Variants in BARD1 observed in about 807,000 individuals in gnomAD.
BARD1 encodes BRCA1-associated RING domain protein 1.
A neutral mutation model predicts 77.0 loss-of-function variants in BARD1; 73 were observed. The ratio of observed to expected loss-of-function variants is 0.95; its 90% CI spans 0.79 to 1.15. The LOEUF is 1.15. Ranked by LOEUF, BARD1 falls within the 50% of genes most tolerant of loss-of-function variation. The pLI, the probability that BARD1 is intolerant of heterozygous loss-of-function variation, is 0.00. For missense variants in BARD1, 993 were observed against 938.8 expected, an observed-to-expected ratio of 1.06 and a Z score of -0.75; for synonymous variants, 384 against 338.0, an observed-to-expected ratio of 1.14 and a Z score of -1.49.
chr2:214,771,141 T>C (rs574201166), intron 4 of BARD1, among the ~76,000 whole-genome samples: 32 of 152,308 alleles, frequency 2.1e-4, no homozygotes, highest in African/African-American at 7.7e-4. Context: ...CAAATATAAC[T>C]AATCAGTTCT....
Position 214,745,057 on chromosome 2 carries a change from C to T in BARD1, c.1903+10G>A. 6.2e-7 allele frequency: 1 copy of T among 1,609,832 alleles called. No homozygotes were observed. The highest frequency in any genetic ancestry group is 8.5e-7 in the Non-Finnish European group (1 of 1,176,344). ...ATTCATTTCTTAATTCTCTCAAATCCAACACTTACATTCAAATTTTAGAAT... is the reference window on the plus strand; with the variant it reads ...ATTCATTTCTTAATTCTCTCAAATCTAACACTTACATTCAAATTTTAGAAT... On this transcript the variant is annotated intron_variant, in intron 9 of 10. Coordinates refer to ENST00000260947, the MANE Select transcript of BARD1 (RefSeq NM_000465.4).
chr2:214,727,499 T>C lies in BARD1; in HGVS notation c.*1177A>G, dbSNP rs967496086. The C allele has an allele frequency of 1.7e-5, 4 of 232,026 alleles. No individual in the cohort carries two copies. The highest frequency in any genetic ancestry group is 6.6e-5 in the African/African-American group (3 of 45,410). The allele number at this position is 232,026 out of a possible 1,614,324, so 14.4% of individuals were successfully genotyped here. A position where few individuals can be genotyped will look rare whatever the true frequency, so the allele number is the denominator to read the frequency against. On this transcript the variant is annotated 3_prime_UTR_variant, in exon 11 of 11. Coordinates refer to ENST00000260947, the MANE Select transcript of BARD1 (RefSeq NM_000465.4). Reference sequence around the variant, plus strand: ...GAATTCTGCTTCTTAAAAAAATGTTTCAAAATAATCTAATGTATCCTTGTC... The same window carrying C: ...GAATTCTGCTTCTTAAAAAAATGTTCCAAAATAATCTAATGTATCCTTGTC...
chr2:214,750,279 C>G (rs536079963), intron 7 of BARD1, among the ~76,000 whole-genome samples: 1 of 152,104 alleles, frequency 6.6e-6, no homozygotes, highest in Non-Finnish European at 1.5e-5. Context: ...CAGTCTCTTC[C>G]TACTCCCAGC....
chr2:214,770,372 C>A (rs1694424322), intron 4 of BARD1, among the ~76,000 whole-genome samples: 1 of 152,128 alleles, frequency 6.6e-6, no homozygotes, highest in Non-Finnish European at 1.5e-5. Flanking sequence ...CTCTGGAGAG[C>A]TATGCAACAA....
At chr2:214,742,004 T>C (rs918291581) in intron 9 of BARD1, among the ~76,000 whole-genome samples, 1 of 152,206 alleles carries the variant, frequency 6.6e-6, no homozygotes, top group Admixed American at 6.5e-5. Flanking sequence ...AAAATTCTAC[T>C]TGAATCTATT....
intron 7 of BARD1, among the ~76,000 whole-genome samples, chr2:214,748,747 C>T (rs1693261171): frequency 6.6e-6 from 1 of 151,930 alleles, no homozygotes; most frequent in Admixed American, 6.6e-5. Context: ...TGAGCTGCTT[C>T]CCTAAAGCAG....
chr2:214,790,010 T>C (rs372057947), intron 3 of BARD1, among the ~76,000 whole-genome samples: 32 of 152,132 alleles, frequency 2.1e-4, no homozygotes, highest in Admixed American at 1.4e-3. Context: ...CCTCAGAAAC[T>C]TGTTCTAAAC....
rs531503903 is a variant in BARD1, at chr2:214,751,311, C to T, written c.1677+1136G>A. On this transcript the variant is annotated intron_variant, in intron 7 of 10. Coordinates refer to ENST00000260947, the MANE Select transcript of BARD1 (RefSeq NM_000465.4). Reference sequence around the variant, plus strand: ...TAGCTGGGACTACAGACGCATACCGCCACACTCAGCTAATTTTTGTATTTT... The same window carrying T: ...TAGCTGGGACTACAGACGCATACCGTCACACTCAGCTAATTTTTGTATTTT... Among the ~76,000 whole-genome samples, 6 of 150,140 alleles carry T rather than the reference C, an allele frequency of 4.0e-5. No individual in the cohort carries two copies. The East Asian group carries it at 9.8e-4, about 24-fold the overall frequency.
chr2:214,799,316 A>C (rs1052617268), intron 1 of BARD1, among the ~76,000 whole-genome samples: 1 of 152,062 alleles, frequency 6.6e-6, no homozygotes, highest in Non-Finnish European at 1.5e-5. Context: ...TATTAAAATA[A>C]AATAAAATAA....
chr2:214,766,849 T>A (rs1252312731), intron 6 of BARD1, among the ~76,000 whole-genome samples: 1 of 152,184 alleles, frequency 6.6e-6, no homozygotes, highest in Admixed American at 6.5e-5. Flanking sequence ...AGGTTTTTAT[T>A]TAAGTTGTGA....
intron 6 of BARD1, among the ~76,000 whole-genome samples, chr2:214,761,032 T>C (rs1693938204): frequency 6.6e-6 from 1 of 151,156 alleles, no homozygotes; most frequent in Non-Finnish European, 1.5e-5. Context: ...CCTTGGCTTC[T>C]CAATCCACAG....
chr2:214,802,363 G>A (rs1696062828), intron 1 of BARD1, among the ~76,000 whole-genome samples: 1 of 152,178 alleles, frequency 6.6e-6, no homozygotes, highest in African/African-American at 2.4e-5. Context: ...TTCTGGGCAT[G>A]TTTAAGGTAG....
Position 214,809,393 on chromosome 2 carries a change from C to A in BARD1, c.158+19G>T, listed in dbSNP as rs773922628. The A allele has an allele frequency of 1.9e-6, 3 of 1,612,228 alleles. No homozygotes were observed. The East Asian group carries it at 6.7e-5, about 36-fold the overall frequency. On this transcript the variant is annotated intron_variant, in intron 1 of 10. Transcript: ENST00000260947. ...CGACCCGTGCCCTCGCAGCCACCCC[C>A]AAGAAGCTCCGTCTTTACCAACGCG...
At chr2:214,761,020 C>T (rs1336820576) in intron 6 of BARD1, among the ~76,000 whole-genome samples, 1 of 151,086 alleles carries the variant, frequency 6.6e-6, no homozygotes, top group Non-Finnish European at 1.5e-5. Context: ...GGGATCCACC[C>T]GCCTTGGCTT....
chr2:214,784,662 T>C (rs574040131), intron 3 of BARD1, among the ~76,000 whole-genome samples: 2 of 152,062 alleles, frequency 1.3e-5, no homozygotes, highest in Non-Finnish European at 2.9e-5. Flanking sequence ...ATAAAGAAAA[T>C]GTGGCACATA....
chr2:214,754,071 C>T (rs16852623), intron 6 of BARD1, among the ~76,000 whole-genome samples: 74,428 of 152,070 alleles, frequency 0.49, 18,397 homozygotes, highest in East Asian at 0.56. Flanking sequence ...CTTGATACTT[C>T]CTAATTCATT....
intron 1 of BARD1, among the ~76,000 whole-genome samples, chr2:214,801,852 G>T (rs991201891): frequency 2.9e-5 from 3 of 102,696 alleles, no homozygotes; most frequent in Non-Finnish European, 4.4e-5. Context: ...TATTTGGCGG[G>T]GGGGGGGGTT....
In BARD1 at chr2:214,745,727, C is replaced by G. The variant is rs761883180; in HGVS notation, c.1805G>C (p.Ser602Thr). The change falls in exon 8 of 11, where the codon AGT (serine) becomes ACT (threonine). Residue 602 changes from serine (S) to threonine (T), a missense_variant. Coordinates refer to ENST00000260947, the MANE Select transcript of BARD1 (RefSeq NM_000465.4). ...LKAKKYTEFD[S>T]TVTHVVVPGD... Reference sequence around the variant, plus strand: ...CCAAAATTCAAAATCCTCACCTGTACTGTCAAACTCAGTATATTTTTTAGC... The same window carrying G: ...CCAAAATTCAAAATCCTCACCTGTAGTGTCAAACTCAGTATATTTTTTAGC... 2 of 1,614,032 alleles carry G rather than the reference C, an allele frequency of 1.2e-6. No homozygotes were observed. Among genetic ancestry groups the G allele is most frequent in the South Asian group, 2.2e-5 (2 of 91,082 alleles).
At position 214,781,294 on chromosome 2, in the gene BARD1, T is replaced by A. The variant is rs587782806; in HGVS notation, c.580A>T (p.Arg194Trp). ...GATCTTGCAGAAGCCTTTTTAGCCC[T>A]CTCAGAAACATCTGCAGGAGGACTT... ...SPSPPADVSERAKKASARSGK... is the reference protein window; with the variant it reads ...SPSPPADVSEWAKKASARSGK... The change falls in exon 4 of 11, where the codon AGG (arginine) becomes TGG (tryptophan). Residue 194 changes from arginine (R) to tryptophan (W), a missense_variant. Arg to Trp is a moderately radical substitution (Grantham distance 101). Transcript: ENST00000260947. 3.1e-6 allele frequency: 5 copies of A among 1,607,876 alleles called. No individual in the cohort carries two copies. The highest frequency in any genetic ancestry group is 4.2e-6 in the Non-Finnish European group (5 of 1,178,550).
Sources: gnomAD v4.1 joint callset for allele counts (sites outside exome capture counted in the v4.1 genomes callset) on GRCh38, gnomAD v4.1.1 for gene constraint, MANE v1.5 for transcripts, NCBI Gene and HGNC (gene_info 2026-07-23, HGNC 2026-07-21) for gene names.